The following TCHH variants were observed in gnomAD, a reference collection of about 807,000 sequenced individuals.
The protein encoded by TCHH is trichohyalin.
Under a neutral mutation model 6.3 loss-of-function variants are expected in TCHH, and 6 were observed. The observed-to-expected ratio is 0.95, with a 90% CI of 0.52 to 1.88. TCHH has a LOEUF of 1.88. Ranked by LOEUF, TCHH falls within the 40% of genes most tolerant of loss-of-function variation. TCHH has a pLI of 0.01. For synonymous variants in TCHH, 1,087 were observed against 963.6 expected, an observed-to-expected ratio of 1.13 and a Z score of -2.37; for missense variants, 2,920 against 2,449.1, an observed-to-expected ratio of 1.19 and a Z score of -4.06.
Position 152,110,865 on chromosome 1 carries a change from C to G in TCHH, c.2352G>C (p.Leu784=), listed in dbSNP as rs771284672. 1 of 1,610,500 alleles carries G rather than the reference C, an allele frequency of 6.2e-7. No homozygotes were observed. Among genetic ancestry groups the G allele is most frequent in the Non-Finnish European group, 8.5e-7 (1 of 1,179,756 alleles). ...EEKSERGRQR[L]SARPPLREQR... ...GCTCCCGCAATGGGGGCCTGGCCGA[C>G]AGCCTCTGACGGCCCCTCTCGCTCT... The change falls in exon 3 of 3, where the codon CTG becomes CTC. Residue 784 remains leucine, a synonymous_variant. Coordinates refer to ENST00000614923, the MANE Select transcript of TCHH (RefSeq NM_007113.4).
Position 152,107,918 on chromosome 1 carries a change from G to A in TCHH, c.5299C>T (p.Gln1767Ter). 1 of 1,614,066 alleles carries A rather than the reference G, an allele frequency of 6.2e-7. No individual in the cohort carries two copies. Among genetic ancestry groups the A allele is most frequent in the Non-Finnish European group, 8.5e-7 (1 of 1,179,986 alleles). The change falls in exon 3 of 3, where the codon CAG becomes TAG. Residue 1767 changes from glutamine to a stop codon, truncating the protein, a stop_gained. Coordinates refer to ENST00000614923, the MANE Select transcript of TCHH (RefSeq NM_007113.4). LOFTEE classifies it low-confidence loss of function (END_TRUNC). ...PEREEQQLRR[Q>*]ERDRKFREEE... Reference sequence around the variant, plus strand: ...TCGCGGAATTTTCTGTCGCGCTCCTGGCGGCGCAGCTGCTGTTCTTCCCTT... The same window carrying A: ...TCGCGGAATTTTCTGTCGCGCTCCTAGCGGCGCAGCTGCTGTTCTTCCCTT...
In TCHH at chr1:152,110,741, C is replaced by T. The variant is rs780021496; in HGVS notation, c.2476G>A (p.Glu826Lys). Residue 826 changes from glutamate (E) to lysine (K), a missense_variant, in exon 3 of 3, where the codon GAG becomes AAG. By Grantham distance (56) the Glu-to-Lys change is moderately conservative (BLOSUM62 1). Coordinates refer to ENST00000614923, the MANE Select transcript of TCHH (RefSeq NM_007113.4). ...EKEQRRRQRR[E>K]REKELQFLEE... is the part of the protein sequence containing the mutation. ...AGGAACTGCAGCTCTTTCTCCCTCTCGCGTCGCTGGCGGCGCCGCTGCTCC... is the reference window on the plus strand; with the variant it reads ...AGGAACTGCAGCTCTTTCTCCCTCTTGCGTCGCTGGCGGCGCCGCTGCTCC... 1.9e-6 allele frequency: 3 copies of T among 1,609,630 alleles called. No homozygotes were observed. The highest frequency in any genetic ancestry group is 2.2e-5 in the East Asian group (1 of 44,862).
At position 152,109,366 on chromosome 1, in the gene TCHH, C is replaced by T; in HGVS notation, c.3851G>A (p.Arg1284Lys). ...ATGCCTGTCGCGCTGCTGCCAGCGCCTCCTCTCTTGCTCACGATCTCGCTC... is the reference window on the plus strand; with the variant it reads ...ATGCCTGTCGCGCTGCTGCCAGCGCTTCCTCTCTTGCTCACGATCTCGCTC... Reference protein sequence around the residue: ...QQERDREQERRRWQQRDRHFP... With the variant: ...QQERDREQERKRWQQRDRHFP... The change falls in exon 3 of 3, where the codon AGG (arginine) becomes AAG (lysine). Residue 1284 changes from arginine to lysine, a missense_variant. Physicochemically the swap from Arg to Lys is conservative, Grantham distance 26 (BLOSUM62 2). Coordinates refer to ENST00000614923, the MANE Select transcript of TCHH (RefSeq NM_007113.4). The T allele has an allele frequency of 1.9e-6, 3 of 1,614,214 alleles. No homozygotes were observed. Among genetic ancestry groups the T allele is most frequent in the African/African-American group, 1.3e-5 (1 of 75,062 alleles).
rs1485223092 is a variant in TCHH at position 152,107,233 on chromosome 1, T to C, written c.*152A>G. On this transcript the variant is annotated 3_prime_UTR_variant, in exon 3 of 3. Transcript: ENST00000614923. ...AAGCAGAAGTACAAAGTGCGTAAAA[T>C]GAGCGTAGTTTAAGATTTTGGAAGA... The C allele has an allele frequency of 1.8e-5, 14 of 781,592 alleles. No homozygotes were observed. Among genetic ancestry groups the C allele is most frequent in the Non-Finnish European group, 9.9e-6 (5 of 504,500 alleles). 48.4% of individuals were successfully genotyped at this position (781,592 alleles called of 1,614,324 possible). A position where few individuals can be genotyped will look rare whatever the true frequency, so the allele number is the denominator to read the frequency against.
At chr1:152,113,416 A>G (rs1658438740) in intron 2 of TCHH, among the ~76,000 whole-genome samples, 1 of 152,222 alleles carries the variant, frequency 6.6e-6, no homozygotes, top group African/African-American at 2.4e-5. Flanking sequence ...CTTGTGTGTA[A>G]AATTAACAAA....
chr1:152,109,566 C>G lies in TCHH; in HGVS notation c.3651G>C (p.Glu1217Asp), dbSNP rs745433912. The stretch of plus-strand genomic sequence containing the variant: ...GCCATTTCAGATCACTGCGCTGATC[C>G]TCATCCCGGTATCGCTGCTTCCTTT... ...RQKRKQRYRD[E>D]DQRSDLKWQW... Residue 1217 changes from glutamate to aspartate, a missense_variant, in exon 3 of 3, where the codon GAG (glutamate) becomes GAC (aspartate). Coordinates refer to ENST00000614923, the MANE Select transcript of TCHH (RefSeq NM_007113.4). 3.1e-6 allele frequency: 5 copies of G among 1,614,244 alleles called. No individual in the cohort carries two copies. In the East Asian group the frequency reaches 6.7e-5, roughly 22 times the overall value.
rs369831201 is a variant in TCHH, at chr1:152,107,845, T to A, written c.5372A>T (p.Gln1791Leu). The stretch of plus-strand genomic sequence containing the variant: ...CTCGCGGAATTTTCTGTCAGACTCT[T>A]GGCTGCGCAGCTGCTGTTCCTCCCT... ...QEREEQQLRSQESDRKFREEE... is the reference protein window; with the variant it reads ...QEREEQQLRSLESDRKFREEE... Residue 1791 changes from glutamine (Q) to leucine (L), a missense_variant, in exon 3 of 3, where the codon CAA becomes CTA. Transcript: ENST00000614923. 3 of 1,613,948 alleles carry A rather than the reference T, an allele frequency of 1.9e-6. No homozygotes were observed. The African/African-American group carries it at 4.0e-5, about 22-fold the overall frequency.
chr1:152,113,794 C>T (rs1658445764), intron 2 of TCHH, 149 bp downstream of exon 2: 2 of 901,510 alleles, frequency 2.2e-6, no homozygotes, highest in Non-Finnish European at 3.3e-6. Context: ...CAAGTAAGTA[C>T]CTTTTGACTC....
rs758316622 is a variant in TCHH, at chr1:152,108,448, C to G, written c.4769G>C (p.Arg1590Pro). The G allele has an allele frequency of 1.9e-6, 3 of 1,613,366 alleles. No homozygotes were observed. The highest frequency in any genetic ancestry group is 1.1e-5 in the South Asian group (1 of 91,040). The change falls in exon 3 of 3, where the codon CGC becomes CCC. Residue 1590 changes from arginine (R) to proline (P), a missense_variant. By Grantham distance (103) the Arg-to-Pro change is moderately radical. Transcript: ENST00000614923. ...CATGAATTTTCTCTCTTGTTCCTGG[C>G]GGCGCACTTTCTGTTCCTCTAAACG... is the stretch of plus-strand genomic sequence containing the variant. ...KFRLEEQKVR[R>P]QEQERKFMED...
In TCHH at chr1:152,111,108, C is replaced by T; in HGVS notation, c.2109G>A (p.Lys703=). The part of the protein sequence containing the change: ...ARERIKSRIP[K]WQWQLESEAD... ...CCTCGCTTTCTAGCTGCCACTGCCA[C>T]TTCGGGATGCGGCTCTTAATCCGCT... The change falls in exon 3 of 3, where the codon AAG becomes AAA. Residue 703 remains lysine (K), a synonymous_variant. Transcript: ENST00000614923. 6.2e-7 allele frequency: 1 copy of T among 1,613,726 alleles called. No individual in the cohort carries two copies. Among genetic ancestry groups the T allele is most frequent in the Non-Finnish European group, 8.5e-7 (1 of 1,180,028 alleles).
In TCHH at chr1:152,109,289, G is replaced by A. The variant is rs1297844945; in HGVS notation, c.3928C>T (p.Arg1310Cys). The A allele has an allele frequency of 6.2e-7, 1 of 1,614,104 alleles. No individual in the cohort carries two copies. Among genetic ancestry groups the A allele is most frequent in the Non-Finnish European group, 8.5e-7 (1 of 1,180,016 alleles). The change falls in exon 3 of 3, where the codon CGC (arginine) becomes TGC (cysteine). Residue 1310 changes from arginine (R) to cysteine (C), a missense_variant. Physicochemically the swap from Arg to Cys is radical, Grantham distance 180. Coordinates refer to ENST00000614923, the MANE Select transcript of TCHH (RefSeq NM_007113.4). ...TTTTCCTCTTGGGACTTCCTGTCGC[G>A]CCTTTTGGCTTCCTTTTGCTCTTCT... ...EREEQKEAKR[R>C]DRKSQEEKQL...
Position 152,111,323 on chromosome 1 carries a change from G to A in TCHH, c.1894C>T (p.Gln632Ter), listed in dbSNP as rs773920578. Residue 632 changes from glutamine to a stop codon, truncating the protein, a stop_gained, in exon 3 of 3, where the codon CAG becomes TAG. Coordinates refer to ENST00000614923, the MANE Select transcript of TCHH (RefSeq NM_007113.4). LOFTEE classifies it low-confidence loss of function (END_TRUNC). ...REEPEEERRQ[Q>*]LLKSEEQEER... Reference sequence around the variant, plus strand: ...TCCTGCTCCTCGCTCTTCAGCAGCTGCTGGCGCCTCTCTTCCTCCGGCTCC... The same window carrying A: ...TCCTGCTCCTCGCTCTTCAGCAGCTACTGGCGCCTCTCTTCCTCCGGCTCC... The A allele has an allele frequency of 1.9e-6, 3 of 1,597,190 alleles. No individual in the cohort carries two copies. Among genetic ancestry groups the A allele is most frequent in the Non-Finnish European group, 2.6e-6 (3 of 1,171,626 alleles).
rs1267715279 is a variant in TCHH, at chr1:152,111,194, C to T, written c.2023G>A (p.Glu675Lys). 1.9e-6 allele frequency: 3 copies of T among 1,610,770 alleles called. No homozygotes were observed. Among genetic ancestry groups the T allele is most frequent in the East Asian group, 2.2e-5 (1 of 44,642 alleles). The change falls in exon 3 of 3, where the codon GAG becomes AAG. Residue 675 changes from glutamate to lysine, a missense_variant. Transcript: ENST00000614923. Reference sequence around the variant, plus strand: ...TGCTCGCGCCTCTCTTCCTCATGCTCGCGCTTCAGCCGCTGCTCGAGCCTC... The same window carrying T: ...TGCTCGCGCCTCTCTTCCTCATGCTTGCGCTTCAGCCGCTGCTCGAGCCTC... ...EERLEQRLKR[E>K]HEEERREQEL...
Position 152,109,251 on chromosome 1 carries a change from T to C in TCHH, c.3966A>G (p.Arg1322=). The change falls in exon 3 of 3, where the codon AGA becomes AGG. Residue 1322 remains arginine (R), a synonymous_variant. Coordinates refer to ENST00000614923, the MANE Select transcript of TCHH (RefSeq NM_007113.4). ...RKSQEEKQLL[R]EEREEKRRRQ... ...GGCGTCTCTTCTCTTCTCTTTCCTCTCTCAGCAACTGCTTTTCCTCTTGGG... is the reference window on the plus strand; with the variant it reads ...GGCGTCTCTTCTCTTCTCTTTCCTCCCTCAGCAACTGCTTTTCCTCTTGGG... 4 of 1,614,232 alleles carry C rather than the reference T, an allele frequency of 2.5e-6. No homozygotes were observed. The highest frequency in any genetic ancestry group is 3.4e-6 in the Non-Finnish European group (4 of 1,180,022).
rs1557808157 is a variant in TCHH at position 152,108,139 on chromosome 1, A to G, written c.5078T>C (p.Phe1693Ser). Residue 1693 changes from phenylalanine (F) to serine (S), a missense_variant, in exon 3 of 3, where the codon TTC becomes TCC. Phe to Ser is a radical substitution (Grantham distance 155). Transcript: ENST00000614923. ...GCGGAGCTGCTGTTCCTCTTCGCGG[A>G]ATTTTCTGTCACGCTCTTGGCGGCG... is the stretch of plus-strand genomic sequence containing the variant. ...QLRRQERDRKFREEEQQLRRQ... is the reference protein window; with the variant it reads ...QLRRQERDRKSREEEQQLRRQ... 6.2e-7 allele frequency: 1 copy of G among 1,607,318 alleles called. No homozygotes were observed. The highest frequency in any genetic ancestry group is 1.7e-5 in the Admixed American group (1 of 59,394).
rs772870368 is a variant in TCHH at position 152,112,669 on chromosome 1, C to G, written c.548G>C (p.Arg183Pro). 4 of 1,614,030 alleles carry G rather than the reference C, an allele frequency of 2.5e-6. No homozygotes were observed. The highest frequency in any genetic ancestry group is 2.2e-5 in the East Asian group (1 of 44,844). ...CTCTTCCTCTGCACGGCGCTCTTCC[C>G]GTTCTTGCCATTCTTGCCTTTGCCG... ...LWRQRQEWQEREERRAEEEQL... is the reference protein window; with the variant it reads ...LWRQRQEWQEPEERRAEEEQL... Residue 183 changes from arginine to proline, a missense_variant, in exon 3 of 3, where the codon CGG becomes CCG. Physicochemically the swap from Arg to Pro is moderately radical, Grantham distance 103. Coordinates refer to ENST00000614923, the MANE Select transcript of TCHH (RefSeq NM_007113.4).
Position 152,110,388 on chromosome 1 carries a change from C to T in TCHH, c.2829G>A (p.Leu943=). 1 of 1,613,900 alleles carries T rather than the reference C, an allele frequency of 6.2e-7. No individual in the cohort carries two copies. Among genetic ancestry groups the T allele is most frequent in the East Asian group, 2.2e-5 (1 of 44,874 alleles). ...EEQLQQEEEQ[L]LREEREKRRR... is the part of the protein sequence containing the mutation. The stretch of plus-strand genomic sequence containing the variant: ...TTCTTTTCTCCCGTTCCTCTCTCAG[C>T]AGCTGCTCTTCCTCCTGCTGCAGCT... The change falls in exon 3 of 3, where the codon CTG becomes CTA. Residue 943 remains leucine (L), a synonymous_variant. Coordinates refer to ENST00000614923, the MANE Select transcript of TCHH (RefSeq NM_007113.4).
chr1:152,109,581 C>T lies in TCHH; in HGVS notation c.3636G>A (p.Gln1212=), dbSNP rs748657096. ...TGCGCTGATCCTCATCCCGGTATCG[C>T]TGCTTCCTTTTCTGGCGCTGAAGCT... is the stretch of plus-strand genomic sequence containing the variant. ...EEELQRQKRK[Q]RYRDEDQRSD... The change falls in exon 3 of 3, where the codon CAG becomes CAA. Residue 1212 remains glutamine, a synonymous_variant. Transcript: ENST00000614923. The T allele has an allele frequency of 1.2e-6, 2 of 1,614,266 alleles. No individual in the cohort carries two copies. Among genetic ancestry groups the T allele is most frequent in the Admixed American group, 3.3e-5 (2 of 60,036 alleles).
rs1055775870 is a variant in TCHH at position 152,107,103 on chromosome 1, TAAACA to T, written c.*277_*281del. On this transcript the variant is annotated 3_prime_UTR_variant, in exon 3 of 3. Coordinates refer to ENST00000614923, the MANE Select transcript of TCHH (RefSeq NM_007113.4). ...AACATGTTCCTCAAACAAAATTTCTTAAACAAATTAAATGATTTATATTTTTTTTA... is the reference window on the plus strand; with the variant it reads ...AACATGTTCCTCAAACAAAATTTCTTAATTAAATGATTTATATTTTTTTTA... The T allele has an allele frequency of 3.5e-6, 1 of 283,722 alleles. No individual in the cohort carries two copies. The highest frequency in any genetic ancestry group is 6.5e-6 in the Non-Finnish European group (1 of 153,630). 17.6% of individuals were successfully genotyped at this position (283,722 alleles called of 1,614,324 possible). A position where few individuals can be genotyped will look rare whatever the true frequency, so the allele number is the denominator to read the frequency against.
Sources: allele counts gnomAD v4.1 joint callset (sites outside exome capture counted in the v4.1 genomes callset), GRCh38; gene constraint gnomAD v4.1.1; transcripts MANE v1.5; gene names NCBI Gene and HGNC (gene_info 2026-07-23, HGNC 2026-07-21).